The following CHN1 variants were observed in gnomAD, a reference collection of about 807,000 sequenced individuals.
CHN1 encodes the protein N-chimaerin.
In CHN1, 37 loss-of-function variants were observed where a neutral mutation model predicts 59.5. The observed-to-expected ratio is 0.62, with a 90% confidence interval of 0.48 to 0.82. The LOEUF (loss-of-function observed/expected upper bound fraction) is 0.82, where lower values mean the gene tolerates loss of function less well. Ranked by LOEUF, CHN1 falls within the 40% of genes least tolerant of loss-of-function variation. The probability of loss-of-function intolerance (pLI) is 0.00; values close to 1 mark genes in which losing one functional copy is unlikely to be tolerated. For missense variants in CHN1, 469 were observed against 571.0 expected (o/e 0.82, Z 1.82); for synonymous variants, 206 against 200.4 (o/e 1.03, Z -0.24).
chr2:174,932,478 T>A (rs1689378436), intron 3 of CHN1, among the ~76,000 whole-genome samples: 1 of 152,216 alleles, frequency 6.6e-6, no homozygotes, highest in Non-Finnish European at 1.5e-5. Context: ...CTACCCAGGT[T>A]TTCAAAGAAA....
At chr2:174,845,682 A>G (rs1327198189) in intron 7 of CHN1, among the ~76,000 whole-genome samples, 1 of 150,424 alleles carries the variant, frequency 6.6e-6, no homozygotes, top group Non-Finnish European at 1.5e-5. Context: ...CCACATATTT[A>G]AGAAACATAA....
At chr2:174,820,581 G>A (rs1267086460) in intron 8 of CHN1, among the ~76,000 whole-genome samples, 2 of 152,214 alleles carry the variant, frequency 1.3e-5, no homozygotes, top group Non-Finnish European at 2.9e-5. Flanking sequence ...TTTGGTGGGT[G>A]AGACTTTGCA....
intron 6 of CHN1, among the ~76,000 whole-genome samples, chr2:174,859,249 A>G (rs1020891265): frequency 1.4e-4 from 22 of 152,144 alleles, no homozygotes; most frequent in African/African-American, 5.1e-4. Context: ...AAATATTTTC[A>G]GTCCATTACT....
At chr2:174,986,190 T>C (rs528334935) in intron 1 of CHN1, among the ~76,000 whole-genome samples, 6 of 152,222 alleles carry the variant, frequency 3.9e-5, no homozygotes, top group African/African-American at 1.2e-4. Flanking sequence ...GAATCTGATA[T>C]ACCAAAGAAA....
chr2:174,933,579 G>A (rs748382669), intron 3 of CHN1, among the ~76,000 whole-genome samples: 21 of 152,168 alleles, frequency 1.4e-4, no homozygotes, highest in Non-Finnish European at 2.6e-4. Context: ...AAAGTTCTGA[G>A]TGCAGACAGC....
intron 3 of CHN1, chr2:174,921,075 T>C (rs1214915304): frequency 1.3e-5 from 5 of 386,026 alleles, no homozygotes; most frequent in African/African-American, 1.0e-4. Flanking sequence ...GGCAATAATG[T>C]GGGCAATGGG....
chr2:174,995,744 C>G (rs1691687326), intron 1 of CHN1, among the ~76,000 whole-genome samples: 1 of 152,152 alleles, frequency 6.6e-6, no homozygotes, highest in Admixed American at 6.5e-5. Flanking sequence ...TTGGGGACAC[C>G]TGCTGCCAAG....
intron 5 of CHN1, among the ~76,000 whole-genome samples, chr2:174,906,787 G>C (rs934908876): frequency 6.6e-6 from 1 of 152,092 alleles, no homozygotes; most frequent in Non-Finnish European, 1.5e-5. Context: ...GAGAAAACAG[G>C]AAGAAAAAGA....
intron 1 of CHN1, among the ~76,000 whole-genome samples, chr2:175,002,355 TA>T (rs1274608724): frequency 6.6e-6 from 1 of 152,134 alleles, no homozygotes; most frequent in Non-Finnish European, 1.5e-5. Context: ...TAATATGCAT[TA>T]AAAATATGTT....
At chr2:174,986,882 G>A (rs1054498325) in intron 1 of CHN1, among the ~76,000 whole-genome samples, 22 of 152,114 alleles carry the variant, frequency 1.4e-4, no homozygotes, top group African/African-American at 4.3e-4. Flanking sequence ...GACTACAGGC[G>A]CCCACCACCA....
At chr2:174,892,780 T>G (rs1381053882) in intron 5 of CHN1, among the ~76,000 whole-genome samples, 2 of 151,980 alleles carry the variant, frequency 1.3e-5, no homozygotes, top group African/African-American at 4.8e-5. Flanking sequence ...CACGTGAAAT[T>G]TACCCCGGGG....
rs559304723 is a variant in CHN1, at chr2:174,956,781, A to G, written c.20-4579T>C. ...AGCAAGACTCCATCTCAAAAAAAAA[A>G]AAAAAAGAATGAATAACAGATTACA... is the stretch of plus-strand genomic sequence containing the variant. On this transcript the variant is annotated intron_variant, in intron 1 of 12. Transcript: ENST00000409900. 2.2e-3 allele frequency among the ~76,000 whole-genome samples: 342 copies of G among 152,226 alleles called. 2 individuals carry two copies. The highest frequency in any genetic ancestry group is 8.0e-3 in the African/African-American group (333 of 41,526).
At chr2:174,863,764 A>G (rs1687134226) in intron 6 of CHN1, among the ~76,000 whole-genome samples, 1 of 152,148 alleles carries the variant, frequency 6.6e-6, no homozygotes, top group African/African-American at 2.4e-5. Context: ...AGATGTGTAG[A>G]TAGAAAGATA....
At chr2:174,847,663 G>C in intron 6 of CHN1, 1 of 1,313,006 alleles carries the variant, frequency 7.6e-7, no homozygotes, top group Non-Finnish European at 1.0e-6. Context: ...CGTAAGAAAG[G>C]AGATAACCAA....
intron 8 of CHN1, among the ~76,000 whole-genome samples, chr2:174,817,399 C>T (rs1685306611): frequency 6.6e-6 from 1 of 151,432 alleles, no homozygotes; most frequent in South Asian, 2.1e-4. Context: ...GCACATAAAA[C>T]ATCTGAATGG....
chr2:174,807,115 T>C (rs576868149), intron 11 of CHN1, among the ~76,000 whole-genome samples: 11 of 152,180 alleles, frequency 7.2e-5, no homozygotes, highest in African/African-American at 2.6e-4. Context: ...CGATGACAAA[T>C]GATTTGGAAG....
intron 3 of CHN1, among the ~76,000 whole-genome samples, chr2:174,936,463 A>G (rs10179321): frequency 0.053 from 8,023 of 152,212 alleles, 314 homozygotes; most frequent in African/African-American, 0.11. Context: ...ATACCTATGT[A>G]ATTTATACTT....
At chr2:174,844,630 C>T (rs1449308454) in intron 7 of CHN1, among the ~76,000 whole-genome samples, 1 of 152,156 alleles carries the variant, frequency 6.6e-6, no homozygotes, top group South Asian at 2.1e-4. Context: ...GTGTATATCA[C>T]AATCAGTGAC....
At chr2:174,917,054 G>A (rs1224860681) in intron 4 of CHN1, among the ~76,000 whole-genome samples, 1 of 152,134 alleles carries the variant, frequency 6.6e-6, no homozygotes, top group East Asian at 1.9e-4. Flanking sequence ...TTAGCTGGAT[G>A]TGGTGGCAGT....
Sources: allele counts gnomAD v4.1 joint callset (sites outside exome capture counted in the v4.1 genomes callset), GRCh38; gene constraint gnomAD v4.1.1; transcripts MANE v1.5; gene names NCBI Gene and HGNC (gene_info 2026-07-23, HGNC 2026-07-21).